The following YIPF7 variants were observed in gnomAD, a reference collection of about 807,000 sequenced individuals.
The protein encoded by YIPF7 is Yip1 domain family member 7, also known as protein YIPF7.
YIPF7 carries 35 observed loss-of-function variants against 27.2 expected under a neutral mutation model. That is an observed-to-expected ratio of 1.29 (90% CI 0.98 to 1.70). The LOEUF is 1.70. Ranked by LOEUF, YIPF7 falls within the 40% of genes most tolerant of loss-of-function variation. The pLI, the probability that YIPF7 is intolerant of heterozygous loss-of-function variation, is 0.00. For missense variants in YIPF7, 358 were observed against 303.7 expected, an observed-to-expected ratio of 1.18 and a Z score of -1.33; for synonymous variants, 137 against 110.4, an observed-to-expected ratio of 1.24 and a Z score of -1.51.
chr4:44,636,901 T>C (rs1184182926), intron 2 of YIPF7, among the ~76,000 whole-genome samples: 1 of 152,170 alleles, frequency 6.6e-6, no homozygotes, highest in African/African-American at 2.4e-5. Flanking sequence ...ATCACTCCTC[T>C]CCTACCCCCT....
chr4:44,639,619 T>G (rs1484526836), intron 2 of YIPF7, among the ~76,000 whole-genome samples: 1 of 152,126 alleles, frequency 6.6e-6, no homozygotes, highest in Non-Finnish European at 1.5e-5. Context: ...TTTGGTGAAT[T>G]CTTTAGGTTT....
chr4:44,652,849 A>G (rs1431456022), upstream of YIPF7, among the ~76,000 whole-genome samples: 2 of 152,170 alleles, frequency 1.3e-5, no homozygotes, highest in Non-Finnish European at 2.9e-5. Flanking sequence ...CATTTTACCA[A>G]AAAATAAATG....
At chr4:44,654,437 C>A (rs1384279822), upstream of YIPF7, among the ~76,000 whole-genome samples, 2 of 151,782 alleles carry the variant, frequency 1.3e-5, no homozygotes, top group African/African-American at 4.8e-5. Flanking sequence ...TTCTCGTTTT[C>A]TTTTCTCTCC....
intron 2 of YIPF7, among the ~76,000 whole-genome samples, chr4:44,647,295 A>C (rs186622011): frequency 6.6e-6 from 1 of 152,298 alleles, no homozygotes; most frequent in East Asian, 1.9e-4. Context: ...GGGTGGGTGG[A>C]TAAAGCCGCG....
rs756958898 is a variant in YIPF7 at position 44,629,429 on chromosome 4, C to A, written c.400G>T (p.Val134Leu). The change falls in exon 4 of 6, where the codon GTA (valine) becomes TTA (leucine). Residue 134 changes from valine (V) to leucine (L), a missense_variant. Physicochemically the swap from Val to Leu is conservative, Grantham distance 32. Coordinates refer to ENST00000415895, the MANE Select transcript of YIPF7 (RefSeq NM_182592.3). The part of the protein sequence containing the change: ...TDLTGPILFC[V>L]ALGATLLLAG... ...AGAAGCAAGGTGGCTCCCAGGGCTA[C>A]GCAAAAAAGAATGGGTCCAGTGAGG... 1.3e-6 allele frequency: 2 copies of A among 1,597,180 alleles called. No individual in the cohort carries two copies. The highest frequency in any genetic ancestry group is 8.5e-7 in the Non-Finnish European group (1 of 1,171,544).
At chr4:44,635,440 A>G (rs1713081764) in intron 3 of YIPF7, among the ~76,000 whole-genome samples, 1 of 152,158 alleles carries the variant, frequency 6.6e-6, no homozygotes, top group Non-Finnish European at 1.5e-5. Context: ...AAGGGCTTGT[A>G]TGAGTCAGGA....
intron 3 of YIPF7, among the ~76,000 whole-genome samples, chr4:44,631,924 T>G (rs1712914151): frequency 6.6e-6 from 1 of 152,176 alleles, no homozygotes; most frequent in African/African-American, 2.4e-5. Flanking sequence ...AAAATGGTAT[T>G]TAATTCCAAA....
chr4:44,629,412 G>T lies in YIPF7; in HGVS notation c.417C>A (p.Thr139=). The T allele has an allele frequency of 6.3e-7, 1 of 1,589,550 alleles. No individual in the cohort carries two copies. Among genetic ancestry groups the T allele is most frequent in the Non-Finnish European group, 8.6e-7 (1 of 1,169,070 alleles). The change falls in exon 4 of 6, where the codon ACC becomes ACA. Residue 139 remains threonine (T), a synonymous_variant. Coordinates refer to ENST00000415895, the MANE Select transcript of YIPF7 (RefSeq NM_182592.3). ...PILFCVALGA[T]LLLAGKVQFG... is the part of the protein sequence containing the mutation. ...TCCTGTGACACATTACCAGAAGCAA[G>T]GTGGCTCCCAGGGCTACGCAAAAAA...
At chr4:44,645,142 G>A (rs1713482543) in intron 2 of YIPF7, among the ~76,000 whole-genome samples, 1 of 152,188 alleles carries the variant, frequency 6.6e-6, no homozygotes. Context: ...CTTCATAGCA[G>A]TTGTGGGAAT....
intron 3 of YIPF7, among the ~76,000 whole-genome samples, chr4:44,631,713 T>C (rs1452870155): frequency 6.6e-6 from 1 of 152,166 alleles, no homozygotes; most frequent in Non-Finnish European, 1.5e-5. Context: ...TTGAAGAATA[T>C]GAGCAGTTCA....
intron 1 of YIPF7, 92 bp from the exon 2 acceptor site, chr4:44,650,193 G>A: frequency 1.3e-6 from 1 of 774,476 alleles, no homozygotes; most frequent in African/African-American, 1.8e-5. Flanking sequence ...TGTGATTATG[G>A]CTGAATTCCT....
At chr4:44,631,849 G>A (rs6850107) in intron 3 of YIPF7, among the ~76,000 whole-genome samples, 32,155 of 151,848 alleles carry the variant, frequency 0.21, 3,607 homozygotes, top group Middle Eastern at 0.35. Flanking sequence ...AAATTTATGC[G>A]CTCAAACTTT....
At chr4:44,643,619 G>A (rs1478655395) in intron 2 of YIPF7, among the ~76,000 whole-genome samples, 2 of 152,138 alleles carry the variant, frequency 1.3e-5, no homozygotes, top group Non-Finnish European at 2.9e-5. Context: ...CCCATTACAG[G>A]CTCAGAGGCC....
At chr4:44,640,241 G>A (rs903626368) in intron 2 of YIPF7, among the ~76,000 whole-genome samples, 1 of 152,172 alleles carries the variant, frequency 6.6e-6, no homozygotes, top group Admixed American at 6.6e-5. Flanking sequence ...GAATTTTTGG[G>A]AACAGTTTCA....
chr4:44,636,955 C>T (rs543532009), intron 2 of YIPF7, among the ~76,000 whole-genome samples: 1 of 152,240 alleles, frequency 6.6e-6, no homozygotes, highest in African/African-American at 2.4e-5. Context: ...CTCTCTACTT[C>T]CATGTGTACG....
intron 4 of YIPF7, among the ~76,000 whole-genome samples, chr4:44,627,778 G>T (rs569221210): frequency 7.9e-5 from 12 of 152,236 alleles, no homozygotes; most frequent in African/African-American, 2.9e-4. Context: ...AAAATGAAAT[G>T]AAAGCCTAGA....
chr4:44,651,763 C>G (rs1456681635), upstream of YIPF7: 3 of 482,650 alleles, frequency 6.2e-6, no homozygotes, highest in East Asian at 6.5e-5. Context: ...TTATGGTTTA[C>G]AAACACAGTG....
At chr4:44,639,894 A>G (rs1713269039) in intron 2 of YIPF7, among the ~76,000 whole-genome samples, 1 of 152,124 alleles carries the variant, frequency 6.6e-6, no homozygotes, top group African/African-American at 2.4e-5. Flanking sequence ...GAGGGTTTTT[A>G]TTATGAAAGG....
chr4:44,649,826 T>C (rs1049054756), intron 2 of YIPF7, among the ~76,000 whole-genome samples, 159 bp downstream of exon 2: 1 of 152,126 alleles, frequency 6.6e-6, no homozygotes, highest in Non-Finnish European at 1.5e-5. Context: ...TGTTAATTAG[T>C]TGCTTTCTTG....
Sources: gnomAD v4.1 joint callset for allele counts (sites outside exome capture counted in the v4.1 genomes callset) on GRCh38, gnomAD v4.1.1 for gene constraint, MANE v1.5 for transcripts, NCBI Gene and HGNC (gene_info 2026-07-23, HGNC 2026-07-21) for gene names.